Variants in ACTR3B observed in about 807,000 individuals in gnomAD.
The protein encoded by ACTR3B is actin related protein 3B, also known as actin-related protein 3B.
A neutral mutation model predicts 59.0 loss-of-function variants in ACTR3B; 8 were observed. That is an observed-to-expected ratio of 0.14 (90% CI 0.08 to 0.24). The LOEUF (loss-of-function observed/expected upper bound fraction) is 0.24, where lower values mean the gene tolerates loss of function less well. Ranked by LOEUF, ACTR3B falls within the 10% of genes least tolerant of loss-of-function variation. The probability of loss-of-function intolerance (pLI) is 1.00; values close to 1 mark genes in which losing one functional copy is unlikely to be tolerated. For missense variants in ACTR3B, 245 were observed against 552.3 expected (o/e 0.44, Z 5.58); for synonymous variants, 148 against 197.9 (o/e 0.75, Z 2.12).
rs193227967 is a variant in ACTR3B, at chr7:152,833,934, C to T, written c.951+8812C>T. ...CGATATAGTGAACTGAATAAATAGA[C>T]GGTGGCTGACCCCGGGTGGGAAGCA... is the stretch of plus-strand genomic sequence containing the variant. On this transcript the variant is annotated intron_variant, in intron 9 of 11. Transcript: ENST00000256001. Among the ~76,000 whole-genome samples the T allele has an allele frequency of 1.8e-4, 28 of 152,158 alleles. No homozygotes were observed. In the East Asian group the frequency reaches 3.7e-3, roughly 20 times the overall value.
chr7:152,768,417 G>A (rs1196587345), intron 1 of ACTR3B, among the ~76,000 whole-genome samples: 1 of 150,414 alleles, frequency 6.6e-6, no homozygotes, highest in African/African-American at 2.5e-5. Flanking sequence ...TAGTTCTGGT[G>A]TTTGTTTGTT....
chr7:152,784,091 A>C (rs1053578274), intron 2 of ACTR3B, among the ~76,000 whole-genome samples: 5 of 141,654 alleles, frequency 3.5e-5, no homozygotes, highest in African/African-American at 1.3e-4. Context: ...ACTCCGTCTC[A>C]AAAAAAAAAA....
chr7:152,787,380 C>T (rs528036792), intron 2 of ACTR3B, among the ~76,000 whole-genome samples: 275 of 152,110 alleles, frequency 1.8e-3, no homozygotes, highest in African/African-American at 6.3e-3. Context: ...ATGAATTTTT[C>T]GCAGATACTT....
intron 1 of ACTR3B, among the ~76,000 whole-genome samples, chr7:152,775,010 AAAG>A (rs2098132963): frequency 6.6e-6 from 1 of 152,056 alleles, no homozygotes; most frequent in Admixed American, 6.6e-5. Context: ...GTCTCAATCA[AAAG>A]AACTTCTCAC....
chr7:152,811,510 TTAAC>T (rs1414421012), intron 4 of ACTR3B: 1 of 152,226 alleles, frequency 6.6e-6, no homozygotes, highest in Non-Finnish European at 1.5e-5. Flanking sequence ...TGGTCTTAAT[TTAAC>T]TATTTTTTAA....
chr7:152,814,538 G>A lies in ACTR3B; in HGVS notation c.337-12G>A. On this transcript the variant is annotated splice_polypyrimidine_tract_variant and intron_variant, in intron 4 of 11. Coordinates refer to ENST00000256001, the MANE Select transcript of ACTR3B (RefSeq NM_020445.6). ...CGGGTAAACACTAAATATAGTGAAT[G>A]TTTTCTTACAGACAGAACCTCCACT... 6.3e-7 allele frequency: 1 copy of A among 1,576,178 alleles called. No homozygotes were observed. The highest frequency in any genetic ancestry group is 1.4e-5 in the African/African-American group (1 of 73,328).
At chr7:152,821,945 A>G (rs182115107) in intron 7 of ACTR3B, among the ~76,000 whole-genome samples, 2 of 152,378 alleles carry the variant, frequency 1.3e-5, no homozygotes, top group East Asian at 1.9e-4. Flanking sequence ...CTTAAGGTTA[A>G]GCCTGTTACT....
chr7:152,854,490 G>A lies in ACTR3B; in HGVS notation c.1194G>A (p.Lys398=). The change falls in exon 12 of 12, where the codon AAG becomes AAA. Residue 398 remains lysine, a synonymous_variant. Coordinates refer to ENST00000256001, the MANE Select transcript of ACTR3B (RefSeq NM_020445.6). The surrounding 1 kb of genome is among the most constrained non-coding windows in gnomAD (Gnocchi z 4.9). ...TCTTTCAGGTCTGCCACACCAAGAAGGACTATGAAGAGTACGGGCCCAGCA... is the reference window on the plus strand; with the variant it reads ...TCTTTCAGGTCTGCCACACCAAGAAAGACTATGAAGAGTACGGGCCCAGCA... ...PEFFQVCHTK[K]DYEEYGPSIC... is the part of the protein sequence containing the mutation. 6 of 1,614,134 alleles carry A rather than the reference G, an allele frequency of 3.7e-6. No homozygotes were observed. Among genetic ancestry groups the A allele is most frequent in the Non-Finnish European group, 5.1e-6 (6 of 1,180,032 alleles).
At chr7:152,785,210 G>A (rs2098167443) in intron 2 of ACTR3B, among the ~76,000 whole-genome samples, 1 of 150,846 alleles carries the variant, frequency 6.6e-6, no homozygotes, top group African/African-American at 2.4e-5. Context: ...AATAGAGACG[G>A]GAAGCGAAGA....
intron 6 of ACTR3B, among the ~76,000 whole-genome samples, chr7:152,817,806 C>T (rs1228713496): frequency 6.6e-6 from 1 of 152,184 alleles, no homozygotes; most frequent in African/African-American, 2.4e-5. Context: ...AAAAAATGGT[C>T]ACCATTTCAT....
At chr7:152,853,661 T>C in intron 11 of ACTR3B, 84 bp downstream of exon 11, 3 of 1,194,138 alleles carry the variant, frequency 2.5e-6, no homozygotes, top group Non-Finnish European at 3.7e-6. Context: ...GAAGGTGAAA[T>C]AGTGTGTGCC....
At chr7:152,779,468 G>C (rs1235432356) in intron 1 of ACTR3B, among the ~76,000 whole-genome samples, 4 of 152,244 alleles carry the variant, frequency 2.6e-5, no homozygotes, top group Admixed American at 2.6e-4. Flanking sequence ...ATGTCCACCC[G>C]CCTCCCCTAT....
intron 9 of ACTR3B, among the ~76,000 whole-genome samples, chr7:152,837,162 T>A (rs1797528276): frequency 6.6e-6 from 1 of 151,894 alleles, no homozygotes; most frequent in Non-Finnish European, 1.5e-5. Context: ...GGTGACAGAG[T>A]GAGACCTTGT....
chr7:152,764,469 T>TA lies in ACTR3B; in HGVS notation c.44+4554dup, dbSNP rs879349991. On this transcript the variant is annotated intron_variant, in intron 1 of 11. Transcript: ENST00000256001. ...TAACACGGTGAAACCCCGTCTCTAC[T>TA]AAAAAAAAAAAGAAATACAAAAAAA... Among the ~76,000 whole-genome samples, 831 of 143,100 alleles carry TA rather than the reference T, an allele frequency of 5.8e-3. 8 individuals are homozygous for TA. The highest frequency in any genetic ancestry group is 0.019 in the African/African-American group (733 of 39,244). 93.9% of individuals were successfully genotyped at this position (143,100 alleles called of 152,430 possible). A position where few individuals can be genotyped will look rare whatever the true frequency, so the allele number is the denominator to read the frequency against.
chr7:152,764,607 A>C (rs2098102129), intron 1 of ACTR3B, among the ~76,000 whole-genome samples: 1 of 151,218 alleles, frequency 6.6e-6, no homozygotes, highest in South Asian at 2.1e-4. Context: ...AGATCGCGCC[A>C]CTGCACTCCA....
At chr7:152,769,681 C>T (rs2098119476) in intron 1 of ACTR3B, among the ~76,000 whole-genome samples, 2 of 152,008 alleles carry the variant, frequency 1.3e-5, no homozygotes, top group South Asian at 4.2e-4. Context: ...GCCATGTAGT[C>T]CATTTTATTT....
At position 152,855,300 on chromosome 7, in the gene ACTR3B, G is replaced by A. The variant is rs1229298064; in HGVS notation, c.*747G>A. On this transcript the variant is annotated 3_prime_UTR_variant, in exon 12 of 12. Coordinates refer to ENST00000256001, the MANE Select transcript of ACTR3B (RefSeq NM_020445.6). ...CTGGAGCTGTTTTATAGAAGATGATGGTTTGTTGTCGGTGAGTGTTGGATG... is the reference window on the plus strand; with the variant it reads ...CTGGAGCTGTTTTATAGAAGATGATAGTTTGTTGTCGGTGAGTGTTGGATG... The A allele has an allele frequency of 6.6e-6, 1 of 152,106 alleles. No homozygotes were observed. Among genetic ancestry groups the A allele is most frequent in the Non-Finnish European group, 1.5e-5 (1 of 68,032 alleles). The allele number at this position is 152,106 out of a possible 1,614,324, so 9.4% of individuals were successfully genotyped here.
chr7:152,762,973 A>AT (rs2098094616), intron 1 of ACTR3B, among the ~76,000 whole-genome samples: 1 of 152,152 alleles, frequency 6.6e-6, no homozygotes, highest in African/African-American at 2.4e-5. Context: ...GGAGAGGGTG[A>AT]TGTCCACGAG....
Position 152,827,391 on chromosome 7 carries a change from A to G in ACTR3B, c.951+2269A>G, listed in dbSNP as rs1293370158. Among the ~76,000 whole-genome samples, 5 of 152,096 alleles carry G rather than the reference A, an allele frequency of 3.3e-5. No individual in the cohort carries two copies. The East Asian group carries it at 9.7e-4, about 29-fold the overall frequency. The stretch of plus-strand genomic sequence containing the variant: ...AGGATTGAATGTCCTGGGGCTGGCC[A>G]TGCTTTCTCGTTTGTCACATAGCTG... On this transcript the variant is annotated intron_variant, in intron 9 of 11. Coordinates refer to ENST00000256001, the MANE Select transcript of ACTR3B (RefSeq NM_020445.6).
Sources: gnomAD v4.1 joint callset for allele counts (sites outside exome capture counted in the v4.1 genomes callset) on GRCh38, gnomAD v4.1.1 for gene constraint, Gnocchi (gnomAD v3.1) non-coding constraint, MANE v1.5 for transcripts, NCBI Gene and HGNC (gene_info 2026-07-23, HGNC 2026-07-21) for gene names.